DPP6: variants seen among roughly 807,000 people sequenced by gnomAD.
DPP6 encodes the protein A-type potassium channel modulatory protein DPP6.
Under a neutral mutation model 122.6 loss-of-function variants are expected in DPP6, and 69 were observed. That is an observed-to-expected ratio of 0.56 (90% confidence interval 0.46 to 0.69). The LOEUF (loss-of-function observed/expected upper bound fraction) is 0.69. DPP6 is among the 30% of genes least tolerant of loss of function. The pLI is 0.00. For missense variants in DPP6, 928 were observed against 1,116.9 expected (o/e 0.83, Z 2.41); for synonymous variants, 418 against 433.1 (o/e 0.97, Z 0.43).
At chr7:154,550,541 TA>T (rs1829547999) in intron 4 of DPP6, among the ~76,000 whole-genome samples, 1 of 152,210 alleles carries the variant, frequency 6.6e-6, no homozygotes, top group South Asian at 2.1e-4. Context: ...ATCAATAATT[TA>T]AAAACCAGCT....
chr7:154,821,436 G>A lies in DPP6; in HGVS notation c.1666+14324G>A, dbSNP rs145271418. Reference sequence around the variant, plus strand: ...ATAGATGAGAGGGAAATGACTGACCGATTGATTGGCAGGTAGGAAAATTAA... The same window carrying A: ...ATAGATGAGAGGGAAATGACTGACCAATTGATTGGCAGGTAGGAAAATTAA... On this transcript the variant is annotated intron_variant, in intron 16 of 25. Transcript: ENST00000377770. The surrounding 1 kb of genome is among the most constrained non-coding windows in gnomAD (Gnocchi z 4.2). Among the ~76,000 whole-genome samples, 73 of 151,762 alleles carry A rather than the reference G, an allele frequency of 4.8e-4. No homozygotes were observed. Among genetic ancestry groups the A allele is most frequent in the Middle Eastern group, 3.4e-3 (1 of 294 alleles).
chr7:154,174,186 C>A (rs1454896684), intron 1 of DPP6, among the ~76,000 whole-genome samples: 2 of 152,234 alleles, frequency 1.3e-5, no homozygotes, highest in Non-Finnish European at 2.9e-5. Flanking sequence ...CCACCACGCA[C>A]TAGCTGCATG....
At chr7:154,355,696 T>C (rs1236079556) in intron 1 of DPP6, among the ~76,000 whole-genome samples, 1 of 152,234 alleles carries the variant, frequency 6.6e-6, no homozygotes, top group Non-Finnish European at 1.5e-5. Flanking sequence ...TTGGACTTTC[T>C]ATCTGTTCCC....
chr7:154,347,541 A>G (rs1008260397), intron 1 of DPP6, among the ~76,000 whole-genome samples: 1 of 152,260 alleles, frequency 6.6e-6, no homozygotes, highest in Admixed American at 6.5e-5. Context: ...GTCTGATTAA[A>G]GGGAAAACTA....
chr7:153,917,732 G>A (rs981386229), intron 1 of DPP6, among the ~76,000 whole-genome samples: 4 of 152,220 alleles, frequency 2.6e-5, no homozygotes, highest in Admixed American at 2.6e-4. Flanking sequence ...CATGCGAAGG[G>A]TGGATAGGTA....
chr7:154,525,200 G>A lies in DPP6; in HGVS notation c.458-15332G>A, dbSNP rs142533490. ...ACTCTGTTACCCAAGCTGGAGTGCG[G>A]TGGCACAATCATAGCTCATTGCAGC... On this transcript the variant is annotated intron_variant, in intron 3 of 25. Transcript: ENST00000377770. Among the ~76,000 whole-genome samples the A allele has an allele frequency of 1.6e-3, 245 of 152,334 alleles. 1 individual carries two copies. The highest frequency in any genetic ancestry group is 5.7e-3 in the African/African-American group (236 of 41,582).
chr7:154,880,834 C>T, intron 20 of DPP6, 54 bp from the exon 21 acceptor site: 1 of 1,613,936 alleles, frequency 6.2e-7, no homozygotes, highest in Non-Finnish European at 8.5e-7. Flanking sequence ...TACAGGAAGA[C>T]AAAGTGGCAG....
chr7:153,851,851 G>A, the DPP6 span, among the ~76,000 whole-genome samples: 2 of 151,936 alleles, frequency 1.3e-5, no homozygotes, highest in African/African-American at 2.4e-5. Flanking sequence ...AAGTTCTTGA[G>A]GAATTCCAAA....
rs143375299 is a variant in DPP6, at chr7:154,490,273, G to T, written c.457+15236G>T. ...CTGCAATGGAAATCTGGAAGTATCTGTGAAGGATGAGACAACACCCCCAGG... is the reference window on the plus strand; with the variant it reads ...CTGCAATGGAAATCTGGAAGTATCTTTGAAGGATGAGACAACACCCCCAGG... On this transcript the variant is annotated intron_variant, in intron 3 of 25. Coordinates refer to ENST00000377770, the MANE Select transcript of DPP6 (RefSeq NM_130797.4). Among the ~76,000 whole-genome samples, 564 of 152,358 alleles carry T rather than the reference G, an allele frequency of 3.7e-3. 11 individuals are homozygous for T. In the South Asian group the frequency reaches 0.055, roughly 15 times the overall value.
rs1355062113 is a variant in DPP6, at chr7:154,058,574, C to G, written c.243+5511C>G. On this transcript the variant is annotated intron_variant, in intron 1 of 25. Coordinates refer to ENST00000377770, the MANE Select transcript of DPP6 (RefSeq NM_130797.4). ...CCCCATCGCAGAGGGGGGACGCACCCCCCGCGAGGCGGGGACTGAGAGCCA... is the reference window on the plus strand; with the variant it reads ...CCCCATCGCAGAGGGGGGACGCACCGCCCGCGAGGCGGGGACTGAGAGCCA... 2.0e-5 allele frequency: 3 copies of G among 150,124 alleles called. 1 individual carries two copies. Among genetic ancestry groups the G allele is most frequent in the African/African-American group, 7.4e-5 (3 of 40,474 alleles). The allele number at this position is 150,124 out of a possible 1,614,324, so 9.3% of individuals were successfully genotyped here. A position where few individuals can be genotyped will look rare whatever the true frequency, so the allele number is the denominator to read the frequency against.
intron 1 of DPP6, among the ~76,000 whole-genome samples, chr7:154,272,563 T>A (rs370170749): frequency 6.6e-6 from 1 of 152,104 alleles, no homozygotes; most frequent in Non-Finnish European, 1.5e-5. Flanking sequence ...ATTTTGAAAA[T>A]TGGGGGATGT....
At chr7:153,905,722 ATACTT>A (rs775342513) in intron 1 of DPP6, among the ~76,000 whole-genome samples, 1 of 152,198 alleles carries the variant, frequency 6.6e-6, no homozygotes, top group African/African-American at 2.4e-5. Context: ...GGAATAGAAG[ATACTT>A]CACTGAGAAA....
intron 1 of DPP6, among the ~76,000 whole-genome samples, chr7:154,216,153 C>T (rs537858698): frequency 1.3e-5 from 2 of 152,276 alleles, no homozygotes; most frequent in South Asian, 4.1e-4. Flanking sequence ...GCTCCAGGGA[C>T]CCCACGGGAC....
intron 1 of DPP6, among the ~76,000 whole-genome samples, chr7:153,928,326 C>T (rs1212759372): frequency 1.3e-5 from 2 of 150,782 alleles, no homozygotes; most frequent in East Asian, 1.9e-4. Context: ...ATTCTCCTGC[C>T]TTAGCCTCCC....
intron 5 of DPP6, among the ~76,000 whole-genome samples, chr7:154,599,470 T>A (rs1833295362): frequency 6.6e-6 from 1 of 151,422 alleles, no homozygotes; most frequent in Non-Finnish European, 1.5e-5. Flanking sequence ...CTCAGTCAGT[T>A]CTCTCTACTC....
In DPP6 at chr7:154,241,564, C is replaced by T. The variant is rs772723700; in HGVS notation, c.243+188501C>T. On this transcript the variant is annotated intron_variant, in intron 1 of 25. Transcript: ENST00000377770. This position sits in a 1 kb window ranked among gnomAD's most constrained non-coding sequence, Gnocchi z 9.0. ...AACAAAGTGAGACCCTGTCTCAAAA[C>T]AAAACAAAAAAAAGATCCAATTCCA... is the stretch of plus-strand genomic sequence containing the variant. Among the ~76,000 whole-genome samples the T allele has an allele frequency of 8.6e-5, 13 of 151,616 alleles. No homozygotes were observed.
intron 1 of DPP6, among the ~76,000 whole-genome samples, chr7:154,297,867 C>T (rs144637088): frequency 6.6e-6 from 1 of 152,230 alleles, no homozygotes; most frequent in East Asian, 1.9e-4. Context: ...AGAGCGTGCA[C>T]GCTGACAGAT....
At chr7:154,255,314 G>A (rs949096833) in intron 1 of DPP6, among the ~76,000 whole-genome samples, 6 of 152,310 alleles carry the variant, frequency 3.9e-5, no homozygotes, top group Middle Eastern at 6.8e-3. Flanking sequence ...ATGTTAAAAG[G>A]TTTTATGTTA....
chr7:154,317,840 G>T (rs1167373843), intron 1 of DPP6, among the ~76,000 whole-genome samples: 1 of 152,160 alleles, frequency 6.6e-6, no homozygotes, highest in Non-Finnish European at 1.5e-5. Flanking sequence ...TATACTTAAA[G>T]GAACAGACAG....
Sources: gnomAD v4.1 joint callset for allele counts (sites outside exome capture counted in the v4.1 genomes callset) on GRCh38, gnomAD v4.1.1 for gene constraint, Gnocchi (gnomAD v3.1) non-coding constraint, MANE v1.5 for transcripts, NCBI Gene and HGNC (gene_info 2026-07-23, HGNC 2026-07-21) for gene names.